Variants in WDPCP observed in about 807,000 individuals in gnomAD.
The protein encoded by WDPCP is WD repeat containing planar cell polarity effector, also known as WD repeat-containing and planar cell polarity effector protein fritz homolog.
Under a neutral mutation model 93.1 loss-of-function variants are expected in WDPCP, and 71 were observed. The observed-to-expected ratio is 0.76, with a 90% CI of 0.63 to 0.93. The LOEUF (loss-of-function observed/expected upper bound fraction) is 0.93, where lower values mean the gene tolerates loss of function less well. WDPCP is among the 40% of genes least tolerant of loss of function. WDPCP has a pLI of 0.00. For missense variants in WDPCP, 844 were observed against 887.4 expected (o/e 0.95, Z 0.62); for synonymous variants, 315 against 315.0 (o/e 1.00, Z 0.00).
intron 1 of WDPCP, among the ~76,000 whole-genome samples, chr2:63,824,921 AAC>A (rs1167931431): frequency 6.6e-6 from 1 of 152,156 alleles, no homozygotes; most frequent in Admixed American, 6.5e-5. Context: ...TTTACAATAT[AAC>A]AGTTAATAAT....
chr2:63,814,788 T>C (rs929019293), intron 1 of WDPCP, among the ~76,000 whole-genome samples: 11 of 152,242 alleles, frequency 7.2e-5, no homozygotes, highest in African/African-American at 1.2e-4. Flanking sequence ...TGTGTTATCA[T>C]AGTCTTCACT....
In WDPCP at chr2:63,433,894, C is replaced by T; in HGVS notation, c.676G>A (p.Glu226Lys). 6.2e-7 allele frequency: 1 copy of T among 1,613,874 alleles called. No homozygotes were observed. The highest frequency in any genetic ancestry group is 8.5e-7 in the Non-Finnish European group (1 of 1,179,896). ...EIPGPINKTT[E>K]RHLAINCVHD... is the part of the protein sequence containing the mutation. ...ACACAGTTGATAGCTAGATGTCGCTCTGTTGTCTTGTTTATTGGGCCGGGT... is the reference window on the plus strand; with the variant it reads ...ACACAGTTGATAGCTAGATGTCGCTTTGTTGTCTTGTTTATTGGGCCGGGT... The change falls in exon 9 of 18, where the codon GAG becomes AAG. Residue 226 changes from glutamate to lysine, a missense_variant. Coordinates refer to ENST00000272321, the MANE Select transcript of WDPCP (RefSeq NM_015910.7).
chr2:63,147,367 G>A lies in WDPCP; in HGVS notation c.2190+5547C>T, dbSNP rs1671588594. On this transcript the variant is annotated intron_variant, in intron 17 of 17. Coordinates refer to ENST00000272321, the MANE Select transcript of WDPCP (RefSeq NM_015910.7). ...ATTAACCTAAATTCCAATGGTTATA[G>A]GGCTAGTTTCTAGAAATATTTAGGA... Among the ~76,000 whole-genome samples, 2 of 152,152 alleles carry A rather than the reference G, an allele frequency of 1.3e-5. 1 individual carries two copies. The highest frequency in any genetic ancestry group is 2.9e-5 in the Non-Finnish European group (2 of 68,024).
At chr2:63,608,294 G>A (rs1709575365) in intron 3 of WDPCP, among the ~76,000 whole-genome samples, 2 of 152,218 alleles carry the variant, frequency 1.3e-5, no homozygotes, top group Admixed American at 6.5e-5. Context: ...TTATGCTAGT[G>A]TTAGGAGTAA....
At chr2:63,345,257 CT>C (rs1193104706) in intron 12 of WDPCP, among the ~76,000 whole-genome samples, 2 of 152,310 alleles carry the variant, frequency 1.3e-5, no homozygotes, top group African/African-American at 4.8e-5. Flanking sequence ...TAGGACTACA[CT>C]TTCCATAAGC....
intron 1 of WDPCP, among the ~76,000 whole-genome samples, chr2:63,541,546 AT>A (rs1704727254): frequency 6.6e-6 from 1 of 152,210 alleles, no homozygotes; most frequent in African/African-American, 2.4e-5. Flanking sequence ...GAAAAGTAAA[AT>A]AACAAATATT....
intron 2 of WDPCP, among the ~76,000 whole-genome samples, chr2:63,491,407 TG>T (rs2105941696): frequency 6.6e-6 from 1 of 152,336 alleles, no homozygotes; most frequent in Admixed American, 6.5e-5. Context: ...TGGGCTTCAC[TG>T]ATCAGCCAAG....
intron 2 of WDPCP, among the ~76,000 whole-genome samples, chr2:63,704,801 T>C (rs1417286044): frequency 6.6e-6 from 1 of 152,240 alleles, no homozygotes; most frequent in Non-Finnish European, 1.5e-5. Context: ...ATCAGGATGA[T>C]GCTGGCCTCA....
At chr2:63,390,443 A>C (rs1353018943) in intron 10 of WDPCP, among the ~76,000 whole-genome samples, 1 of 152,232 alleles carries the variant, frequency 6.6e-6, no homozygotes, top group African/African-American at 2.4e-5. Flanking sequence ...CCTCAAGAGA[A>C]AGCAGCAAAG....
At chr2:63,415,109 C>G (rs1008649792) in intron 9 of WDPCP, among the ~76,000 whole-genome samples, 4 of 152,152 alleles carry the variant, frequency 2.6e-5, no homozygotes, top group Admixed American at 6.5e-5. Context: ...TTAGTATAAT[C>G]CCAGTGCTTT....
intron 15 of WDPCP, among the ~76,000 whole-genome samples, chr2:63,163,141 G>C (rs543513033): frequency 6.6e-6 from 1 of 152,216 alleles, no homozygotes; most frequent in South Asian, 2.1e-4. Context: ...AAGAAACTAA[G>C]AAAATAGGCC....
intron 14 of WDPCP, among the ~76,000 whole-genome samples, chr2:63,203,898 G>T (rs1218304977): frequency 6.6e-6 from 1 of 152,070 alleles, no homozygotes; most frequent in Non-Finnish European, 1.5e-5. Flanking sequence ...TCTTTTTTAT[G>T]GCTGAATAGT....
intron 2 of WDPCP, among the ~76,000 whole-genome samples, chr2:63,807,246 G>C (rs1333466592): frequency 6.6e-6 from 1 of 152,210 alleles, no homozygotes; most frequent in Non-Finnish European, 1.5e-5. Flanking sequence ...TTGGAGGAGG[G>C]GGTCTAGAGG....
chr2:63,412,775 TA>T (rs1273602423), intron 9 of WDPCP, among the ~76,000 whole-genome samples: 9 of 130,184 alleles, frequency 6.9e-5, no homozygotes, highest in African/African-American at 2.4e-4. Flanking sequence ...CCTTTTATAA[TA>T]GCTGCAAAAA....
chr2:63,230,145 C>T (rs773216415), intron 14 of WDPCP, among the ~76,000 whole-genome samples: 2 of 145,996 alleles, frequency 1.4e-5, no homozygotes. Context: ...TCCAAGTATT[C>T]TCATTCTTCA....
chr2:63,776,830 T>A (rs576480787), intron 2 of WDPCP, among the ~76,000 whole-genome samples: 1 of 152,148 alleles, frequency 6.6e-6, no homozygotes, highest in East Asian at 1.9e-4. Flanking sequence ...CTGAAGAACA[T>A]TATGTTAAGT....
intron 13 of WDPCP, among the ~76,000 whole-genome samples, chr2:63,284,097 A>G (rs1391655518): frequency 6.6e-6 from 1 of 152,180 alleles, no homozygotes; most frequent in Non-Finnish European, 1.5e-5. Context: ...TTTTTACATT[A>G]AAAACTAGGA....
chr2:63,836,620 GT>G, the WDPCP span, among the ~76,000 whole-genome samples: 1 of 152,080 alleles, frequency 6.6e-6, no homozygotes, highest in African/African-American at 2.4e-5. Context: ...GTTTATTTAT[GT>G]TTTTTCCTGG....
intron 12 of WDPCP, among the ~76,000 whole-genome samples, chr2:63,319,544 C>A (rs1297894177): frequency 6.6e-6 from 1 of 152,156 alleles, no homozygotes; most frequent in African/African-American, 2.4e-5. Flanking sequence ...ATTGGATACA[C>A]AGAACTTAAA....
Sources: allele counts gnomAD v4.1 joint callset (sites outside exome capture counted in the v4.1 genomes callset), GRCh38; gene constraint gnomAD v4.1.1; transcripts MANE v1.5; gene names NCBI Gene and HGNC (gene_info 2026-07-23, HGNC 2026-07-21).